The following LRBA variants were observed in gnomAD, a reference collection of about 807,000 sequenced individuals.
LRBA encodes LPS responsive beige-like anchor protein.
LRBA carries 176 observed loss-of-function variants against 330.0 expected under a neutral mutation model. The observed-to-expected ratio is 0.53, with a 90% CI of 0.47 to 0.60. The LOEUF (loss-of-function observed/expected upper bound fraction) is 0.60, where lower values mean the gene tolerates loss of function less well. LRBA is among the 20% of genes least tolerant of loss of function. LRBA has a pLI of 0.00. For missense variants in LRBA, 3,259 were observed against 3,444.8 expected, an observed-to-expected ratio of 0.95 and a Z score of 1.35; for synonymous variants, 1,230 against 1,193.0, an observed-to-expected ratio of 1.03 and a Z score of -0.64.
intron 37 of LRBA, among the ~76,000 whole-genome samples, chr4:150,639,787 GTGTGTATA>G (rs1561457482): frequency 6.2e-5 from 1 of 16,226 alleles, no homozygotes; most frequent in Admixed American, 9.0e-4. Context: ...ATATATGTGT[GTGTGTATA>G]TATATATATA....
At chr4:150,937,223 G>A (rs2149521283) in intron 2 of LRBA, among the ~76,000 whole-genome samples, 1 of 152,124 alleles carries the variant, frequency 6.6e-6, no homozygotes, top group Non-Finnish European at 1.5e-5. Flanking sequence ...CTATATGTAT[G>A]CATATCTATT....
At chr4:150,920,155 A>T (rs1466288431) in intron 5 of LRBA, among the ~76,000 whole-genome samples, 1 of 152,232 alleles carries the variant, frequency 6.6e-6, no homozygotes, top group African/African-American at 2.4e-5. Flanking sequence ...AGATACTGCC[A>T]GGCTACACAG....
At position 150,342,704 on chromosome 4, in the gene LRBA, T is replaced by C. The variant is rs147621933; in HGVS notation, c.7362+7288A>G. Among the ~76,000 whole-genome samples the C allele has an allele frequency of 9.7e-3, 1,483 of 152,266 alleles. 20 individuals carry two copies. Among genetic ancestry groups the C allele is most frequent in the African/African-American group, 0.034 (1,410 of 41,552 alleles). ...TGCCATGTGTATTAACCATTCATTA[T>C]AAAATGGAAACTTTCTCAAGAAGAA... On this transcript the variant is annotated intron_variant, in intron 48 of 56. Coordinates refer to ENST00000651943, the MANE Select transcript of LRBA (RefSeq NM_001364905.1).
rs11059 is a variant in LRBA, at chr4:150,264,499, A to C, written c.*1223T>G. 90,660 of 152,116 alleles carry C rather than the reference A, an allele frequency of 0.6. 28,224 individuals are homozygous for C. Among genetic ancestry groups the C allele is most frequent in the South Asian group, 0.82 (3,955 of 4,824 alleles). The allele number at this position is 152,116 out of a possible 1,614,324, so 9.4% of individuals were successfully genotyped here. A position where few individuals can be genotyped will look rare whatever the true frequency, so the allele number is the denominator to read the frequency against. On this transcript the variant is annotated 3_prime_UTR_variant, in exon 57 of 57. Coordinates refer to ENST00000651943, the MANE Select transcript of LRBA (RefSeq NM_001364905.1). The stretch of plus-strand genomic sequence containing the variant: ...TGATGTTTAAAATTTAGGAGCAAAA[A>C]AGGCATTTCCAACAATTCAATTACA...
At chr4:150,350,807 T>C (rs754269095) in intron 47 of LRBA, among the ~76,000 whole-genome samples, 7 of 152,172 alleles carry the variant, frequency 4.6e-5, no homozygotes, top group Non-Finnish European at 1.0e-4. Flanking sequence ...AAGGAAGCCA[T>C]ACAAGGCAAA....
At chr4:150,341,548 G>GCCAT (rs1284608472) in intron 48 of LRBA, among the ~76,000 whole-genome samples, 1 of 151,962 alleles carries the variant, frequency 6.6e-6, no homozygotes, top group East Asian at 1.9e-4. Context: ...TTTTCCACAT[G>GCCAT]CCATACTCTC....
chr4:150,865,822 T>C (rs1752608091), intron 22 of LRBA, among the ~76,000 whole-genome samples: 2 of 151,896 alleles, frequency 1.3e-5, no homozygotes. Flanking sequence ...TTCAAGCAAT[T>C]CTCCTGCCTC....
intron 34 of LRBA, among the ~76,000 whole-genome samples, chr4:150,777,066 TTTGTTGTTG>T (rs70941442): frequency 1.8e-4 from 24 of 134,366 alleles, no homozygotes; most frequent in South Asian, 4.4e-4. Flanking sequence ...TTTGAGGGGT[TTTGTTGTTG>T]TTGTTGTTGT....
chr4:150,344,500 T>C (rs536693967), intron 48 of LRBA, among the ~76,000 whole-genome samples: 2 of 152,326 alleles, frequency 1.3e-5, no homozygotes, highest in South Asian at 4.1e-4. Context: ...TAAACAAACA[T>C]ATTAGTAACA....
chr4:150,314,164 C>T (rs992150015), intron 51 of LRBA, among the ~76,000 whole-genome samples: 3 of 152,082 alleles, frequency 2.0e-5, no homozygotes, highest in Admixed American at 6.6e-5. Context: ...ATAGGATATT[C>T]ATTGTCAAGG....
chr4:150,524,173 T>C (rs2152178058), intron 40 of LRBA, among the ~76,000 whole-genome samples: 1 of 152,314 alleles, frequency 6.6e-6, no homozygotes, highest in East Asian at 1.9e-4. Context: ...CTACAAGCAC[T>C]TCTTATACAT....
intron 26 of LRBA, among the ~76,000 whole-genome samples, chr4:150,848,562 GAAAA>G (rs9331496): frequency 5.8e-5 from 7 of 120,032 alleles, no homozygotes; most frequent in Admixed American, 3.5e-4. Context: ...GGAGAAAAAA[GAAAA>G]AAAAAAAAAA....
At chr4:150,396,417 G>C (rs1331784828) in intron 47 of LRBA, among the ~76,000 whole-genome samples, 1 of 151,238 alleles carries the variant, frequency 6.6e-6, no homozygotes, top group Non-Finnish European at 1.5e-5. Flanking sequence ...CTTGAATATG[G>C]CATACTGTGG....
chr4:150,691,670 C>T (rs915719301), intron 36 of LRBA, among the ~76,000 whole-genome samples: 4 of 152,160 alleles, frequency 2.6e-5, no homozygotes, highest in Non-Finnish European at 5.9e-5. Flanking sequence ...CATATACTTA[C>T]AGTAGCATGT....
At chr4:151,005,976 C>G (rs1298993898) in intron 2 of LRBA, among the ~76,000 whole-genome samples, 1 of 152,096 alleles carries the variant, frequency 6.6e-6, no homozygotes, top group Non-Finnish European at 1.5e-5. Context: ...AACTGCCTAA[C>G]AAATAACTTC....
chr4:150,420,376 TACACATTATA>T (rs1561150843), intron 46 of LRBA, among the ~76,000 whole-genome samples: 26 of 133,300 alleles, frequency 2.0e-4, no homozygotes, highest in African/African-American at 7.6e-4. Flanking sequence ...GTATATATAA[TACACATTATA>T]GTATATATAA....
At chr4:150,816,985 A>G (rs1744690361) in intron 31 of LRBA, 139 bp downstream of exon 31, 4 of 673,592 alleles carry the variant, frequency 5.9e-6, no homozygotes, top group South Asian at 2.0e-5. Flanking sequence ...ATTTATTCAG[A>G]AAAGTAGTAA....
intron 41 of LRBA, among the ~76,000 whole-genome samples, chr4:150,489,305 T>TATATAAGAATATATAATATATTAC (rs1758457994): frequency 2.1e-4 from 13 of 62,380 alleles, no homozygotes; most frequent in Admixed American, 9.2e-4. Context: ...TAATATATTA[T>TATATAAGAATATATAATATATTAC]ATATAAGAAT....
intron 47 of LRBA, among the ~76,000 whole-genome samples, chr4:150,356,016 G>C (rs1186174951): frequency 6.6e-6 from 1 of 151,986 alleles, no homozygotes; most frequent in East Asian, 1.9e-4. Context: ...AACACTAGTG[G>C]TAATGTTTCC....
Sources: allele counts gnomAD v4.1 joint callset (sites outside exome capture counted in the v4.1 genomes callset), GRCh38; gene constraint gnomAD v4.1.1; transcripts MANE v1.5; gene names NCBI Gene and HGNC (gene_info 2026-07-23, HGNC 2026-07-21).